The following ARHGEF3 variants were observed in gnomAD, a reference collection of about 807,000 sequenced individuals.
ARHGEF3 encodes the protein Rho guanine nucleotide exchange factor 3.
In ARHGEF3, 28 loss-of-function variants were observed where a neutral mutation model predicts 63.2. The observed-to-expected ratio is 0.44, with a 90% confidence interval of 0.33 to 0.61. The LOEUF is 0.61. ARHGEF3 is among the 20% of genes least tolerant of loss of function. The pLI, the probability that ARHGEF3 is intolerant of heterozygous loss-of-function variation, is 0.03. For missense variants in ARHGEF3, 533 were observed against 659.3 expected (o/e 0.81, Z 2.10); for synonymous variants, 266 against 254.2 (o/e 1.05, Z -0.44).
chr3:56,957,680 G>A (rs1164352675), intron 3 of ARHGEF3, among the ~76,000 whole-genome samples: 1 of 152,156 alleles, frequency 6.6e-6, no homozygotes, highest in Non-Finnish European at 1.5e-5. Context: ...GTGGTCATGA[G>A]GGCTTCTTCC....
chr3:56,833,272 C>A (rs528811901), intron 4 of ARHGEF3, among the ~76,000 whole-genome samples: 7 of 152,242 alleles, frequency 4.6e-5, no homozygotes, highest in Admixed American at 2.6e-4. Context: ...TATTTCCCTC[C>A]TCTTTTTAAA....
At chr3:56,883,908 A>C (rs894733944) in intron 3 of ARHGEF3, among the ~76,000 whole-genome samples, 30 of 151,958 alleles carry the variant, frequency 2.0e-4, no homozygotes, top group African/African-American at 7.3e-4. Context: ...AAACAGAACT[A>C]CTCTTTTTTA....
At chr3:56,962,268 A>G (rs1007427574) in intron 2 of ARHGEF3, among the ~76,000 whole-genome samples, 1 of 152,214 alleles carries the variant, frequency 6.6e-6, no homozygotes, top group South Asian at 2.1e-4. Context: ...GTCCTCACCA[A>G]AGGAGGGGCC....
chr3:56,954,610 T>G (rs570463715), intron 3 of ARHGEF3, among the ~76,000 whole-genome samples: 5 of 152,272 alleles, frequency 3.3e-5, no homozygotes, highest in African/African-American at 1.2e-4. Flanking sequence ...TGGTAAGTGG[T>G]GGGCACAGTG....
At chr3:57,035,827 T>G (rs1703930522) in intron 1 of ARHGEF3, among the ~76,000 whole-genome samples, 1 of 152,232 alleles carries the variant, frequency 6.6e-6, no homozygotes, top group Non-Finnish European at 1.5e-5. Context: ...GCACTTGGAA[T>G]GACAAAGCAA....
At position 57,042,679 on chromosome 3, in the gene ARHGEF3, TATATATATATATATATA is replaced by T. The variant is rs1331578902; in HGVS notation, c.-27-7520_-27-7504del. 4.9e-3 allele frequency among the ~76,000 whole-genome samples: 230 copies of T among 46,876 alleles called. 16 individuals carry two copies. Among genetic ancestry groups the T allele is most frequent in the African/African-American group, 0.018 (143 of 7,900 alleles). 30.8% of individuals were successfully genotyped at this position (46,876 alleles called of 152,430 possible). A position where few individuals can be genotyped will look rare whatever the true frequency, so the allele number is the denominator to read the frequency against. On this transcript the variant is annotated intron_variant, in intron 1 of 12. Transcript: ENST00000338458. ...ATATATATATATATATATATATATA[TATATATATATATATATA>T]TATATTTTTTTTTTTTTTTAGACGG... is the stretch of plus-strand genomic sequence containing the variant.
chr3:56,852,905 G>A (rs1478658525), intron 4 of ARHGEF3, among the ~76,000 whole-genome samples: 2 of 152,244 alleles, frequency 1.3e-5, no homozygotes, highest in Admixed American at 6.5e-5. Flanking sequence ...TTGTCTGCTC[G>A]ATGGATGTAT....
At chr3:56,851,443 G>T (rs551667154) in intron 4 of ARHGEF3, among the ~76,000 whole-genome samples, 6 of 152,280 alleles carry the variant, frequency 3.9e-5, no homozygotes, top group Non-Finnish European at 8.8e-5. Flanking sequence ...GGTTTGTAAA[G>T]AAAAGAAATT....
intron 3 of ARHGEF3, among the ~76,000 whole-genome samples, chr3:56,898,063 A>G (rs972634579): frequency 6.6e-6 from 1 of 151,524 alleles, no homozygotes; most frequent in African/African-American, 2.4e-5. Flanking sequence ...TATTTTTTGT[A>G]GAGACGGGGT....
At chr3:56,951,582 G>T (rs892133540) in intron 3 of ARHGEF3, among the ~76,000 whole-genome samples, 2 of 151,952 alleles carry the variant, frequency 1.3e-5, no homozygotes, top group African/African-American at 4.8e-5. Flanking sequence ...AACCAGCAAT[G>T]TCTCTGGGGT....
chr3:57,052,100 T>G (rs539188055), intron 1 of ARHGEF3, among the ~76,000 whole-genome samples: 15 of 152,306 alleles, frequency 9.8e-5, no homozygotes, highest in African/African-American at 3.6e-4. Context: ...GGTGACACTG[T>G]TACTATGCTC....
intron 4 of ARHGEF3, among the ~76,000 whole-genome samples, chr3:56,809,783 A>G (rs2037998382): frequency 6.6e-6 from 1 of 151,200 alleles, no homozygotes; most frequent in Non-Finnish European, 1.5e-5. Context: ...CCCAGGCTGG[A>G]GTGCAGTGGT....
chr3:57,075,646 C>T (rs1190100506), intron 1 of ARHGEF3, among the ~76,000 whole-genome samples: 5 of 151,950 alleles, frequency 3.3e-5, no homozygotes, highest in African/African-American at 1.2e-4. Context: ...CCCATCTCTA[C>T]AAAAAATACA....
intron 3 of ARHGEF3, among the ~76,000 whole-genome samples, chr3:56,949,117 T>C (rs927370364): frequency 1.3e-5 from 2 of 151,946 alleles, no homozygotes; most frequent in Non-Finnish European, 2.9e-5. Flanking sequence ...TAGGTATTGA[T>C]GGGATGTATC....
At chr3:56,990,558 T>C (rs1701710685) in intron 2 of ARHGEF3, among the ~76,000 whole-genome samples, 1 of 151,728 alleles carries the variant, frequency 6.6e-6, no homozygotes, top group Admixed American at 6.6e-5. Context: ...TACCTGAGAG[T>C]AGTTTCCTAA....
chr3:57,013,414 G>A (rs1369752930), intron 2 of ARHGEF3, among the ~76,000 whole-genome samples: 1 of 152,196 alleles, frequency 6.6e-6, no homozygotes, highest in African/African-American at 2.4e-5. Flanking sequence ...TCTAGCTTGG[G>A]GTTTGTGGAT....
chr3:56,779,600 G>C (rs75569279), intron 1 of ARHGEF3, among the ~76,000 whole-genome samples: 1,880 of 152,308 alleles, frequency 0.012, 71 homozygotes, highest in East Asian at 0.11. Flanking sequence ...TCACGCCATG[G>C]ACAATTCTTT....
chr3:56,834,931 A>C (rs1429619274), intron 4 of ARHGEF3, among the ~76,000 whole-genome samples: 4 of 152,120 alleles, frequency 2.6e-5, no homozygotes, highest in African/African-American at 9.7e-5. Context: ...AGAGTAGCAA[A>C]ATGATGATTT....
intron 3 of ARHGEF3, among the ~76,000 whole-genome samples, chr3:56,944,650 C>T (rs909978605): frequency 7.2e-6 from 1 of 138,208 alleles, no homozygotes; most frequent in Non-Finnish European, 1.5e-5. Context: ...TATCTCAGGG[C>T]ACTGCAACCT....
Sources: allele counts gnomAD v4.1 joint callset (sites outside exome capture counted in the v4.1 genomes callset), GRCh38; gene constraint gnomAD v4.1.1; transcripts MANE v1.5; gene names NCBI Gene and HGNC (gene_info 2026-07-23, HGNC 2026-07-21).